PTGER4: variants seen among roughly 807,000 people sequenced by gnomAD.
The protein encoded by PTGER4 is prostaglandin E receptor 4.
A neutral mutation model predicts 33.2 loss-of-function variants in PTGER4; 11 were observed. The observed-to-expected ratio is 0.33, with a 90% CI of 0.21 to 0.55. The LOEUF is 0.55. Among genes scored for constraint, PTGER4 ranks in the 20% least tolerant of loss-of-function variants. The pLI is 0.92. For missense variants in PTGER4, 481 were observed against 650.2 expected, an observed-to-expected ratio of 0.74 and a Z score of 2.83; for synonymous variants, 275 against 281.5, an observed-to-expected ratio of 0.98 and a Z score of 0.23.
chr5:40,740,527 A>G, the PTGER4 span, among the ~76,000 whole-genome samples: 237 of 152,260 alleles, frequency 1.6e-3, no homozygotes, highest in African/African-American at 5.5e-3. Flanking sequence ...ATCCATGGCC[A>G]CATATGCAGC....
the PTGER4 span, among the ~76,000 whole-genome samples, chr5:40,720,304 AT>A: frequency 1.6e-3 from 239 of 152,274 alleles, 1 homozygote; most frequent in Middle Eastern, 0.02. Flanking sequence ...GCTGAAGACT[AT>A]TCCTTCCCCC....
At chr5:40,695,524 C>T (rs891616329), downstream of PTGER4, among the ~76,000 whole-genome samples, 4 of 151,336 alleles carry the variant, frequency 2.6e-5, no homozygotes, top group African/African-American at 7.3e-5. Context: ...CTAGCCTGGG[C>T]GACACAGCGA....
At position 40,692,174 on chromosome 5, in the gene PTGER4, G is replaced by C; in HGVS notation, c.1263G>C (p.Met421Ile). 4 of 1,614,210 alleles carry C rather than the reference G, an allele frequency of 2.5e-6. No homozygotes were observed. The highest frequency in any genetic ancestry group is 3.4e-6 in the Non-Finnish European group (4 of 1,180,032). ...GRNLLPGVPG[M>I]GLAQEDTTSL... Reference sequence around the variant, plus strand: ...ATTTGCTTCCAGGTGTGCCTGGCATGGGCCTGGCCCAGGAAGACACCACCT... The same window carrying C: ...ATTTGCTTCCAGGTGTGCCTGGCATCGGCCTGGCCCAGGAAGACACCACCT... The change falls in exon 3 of 3, where the codon ATG (methionine) becomes ATC (isoleucine). Residue 421 changes from methionine to isoleucine, a missense_variant. Met to Ile is a conservative substitution (Grantham distance 10). This residue lies in a region of PTGER4 where 172 missense variants were observed against 199.2 expected (regional missense o/e 0.86). Transcript: ENST00000302472.
the PTGER4 span, among the ~76,000 whole-genome samples, chr5:40,734,527 T>C: frequency 6.6e-6 from 1 of 152,198 alleles, no homozygotes; most frequent in Non-Finnish European, 1.5e-5. Context: ...GATGAGATAA[T>C]GCCCTATACT....
At chr5:40,719,330 GTTTC>G in the PTGER4 span, among the ~76,000 whole-genome samples, 27 of 152,198 alleles carry the variant, frequency 1.8e-4, no homozygotes, top group African/African-American at 5.3e-4. Flanking sequence ...TTTATGTCTG[GTTTC>G]TTTCACTTAA....
intron 2 of PTGER4, among the ~76,000 whole-genome samples, chr5:40,687,203 G>T (rs1240574225): frequency 6.6e-6 from 1 of 151,966 alleles, no homozygotes; most frequent in African/African-American, 2.4e-5. Flanking sequence ...GCACCACCAC[G>T]CCCGGCTAAT....
rs1372900638 is a variant in PTGER4 at position 40,680,355 on chromosome 5, A to G, written c.-167A>G. ...ACAGCCACTGAGACCGGCTTTGAGAAGCCGAAGATTTGGCAGTTTCCAGAC... is the reference window on the plus strand; with the variant it reads ...ACAGCCACTGAGACCGGCTTTGAGAGGCCGAAGATTTGGCAGTTTCCAGAC... On this transcript the variant is annotated 5_prime_UTR_variant, in exon 1 of 3. Coordinates refer to ENST00000302472, the MANE Select transcript of PTGER4 (RefSeq NM_000958.3). The surrounding 1 kb of genome is among the most constrained non-coding windows in gnomAD (Gnocchi z 5.5). 5 of 152,572 alleles carry G rather than the reference A, an allele frequency of 3.3e-5. No individual in the cohort carries two copies. The highest frequency in any genetic ancestry group is 3.3e-4 in the Admixed American group (5 of 15,280). The allele number at this position is 152,572 out of a possible 1,614,324, so 9.5% of individuals were successfully genotyped here. A position where few individuals can be genotyped will look rare whatever the true frequency, so the allele number is the denominator to read the frequency against.
the PTGER4 span, among the ~76,000 whole-genome samples, chr5:40,705,777 A>C: frequency 6.6e-6 from 1 of 152,218 alleles, no homozygotes; most frequent in Admixed American, 6.5e-5. Flanking sequence ...ATGAGATACC[A>C]TCTCACACTA....
At chr5:40,740,557 C>T in the PTGER4 span, among the ~76,000 whole-genome samples, 1 of 152,146 alleles carries the variant, frequency 6.6e-6, no homozygotes, top group Non-Finnish European at 1.5e-5. Flanking sequence ...TATCTCATGG[C>T]TTTTCTCCAC....
At chr5:40,688,117 T>C (rs1249820586) in intron 2 of PTGER4, among the ~76,000 whole-genome samples, 3 of 152,242 alleles carry the variant, frequency 2.0e-5, no homozygotes, top group African/African-American at 7.2e-5. Context: ...CCATTTTAAC[T>C]ATTCAAAAAT....
Position 40,680,880 on chromosome 5 carries a change from G to T in PTGER4, c.-43-71G>T. 1 of 1,314,412 alleles carries T rather than the reference G, an allele frequency of 7.6e-7. No homozygotes were observed. The highest frequency in any genetic ancestry group is 1.0e-6 in the Non-Finnish European group (1 of 960,656). The allele number at this position is 1,314,412 out of a possible 1,614,324, so 81.4% of individuals were successfully genotyped here. On this transcript the variant is annotated intron_variant, in intron 1 of 2. Coordinates refer to ENST00000302472, the MANE Select transcript of PTGER4 (RefSeq NM_000958.3). The surrounding 1 kb of genome is among the most constrained non-coding windows in gnomAD (Gnocchi z 5.5). The stretch of plus-strand genomic sequence containing the variant: ...GTCTTATCAGTGTATCGTTTCTCGG[G>T]CGCGGGTCTAACACCTTACAAGTGG...
At position 40,680,913 on chromosome 5, in the gene PTGER4, C is replaced by T. The variant is rs1365004658; in HGVS notation, c.-43-38C>T. 3.3e-6 allele frequency: 5 copies of T among 1,511,376 alleles called. No individual in the cohort carries two copies. Among genetic ancestry groups the T allele is most frequent in the Non-Finnish European group, 4.4e-6 (5 of 1,126,374 alleles). 93.6% of individuals were successfully genotyped at this position (1,511,376 alleles called of 1,614,324 possible). ...CTAACACCTTACAAGTGGTAATTTC[C>T]GCTCACGGCAGCTTTGTCTCTCTTC... On this transcript the variant is annotated intron_variant, in intron 1 of 2. Transcript: ENST00000302472. This position sits in a 1 kb window ranked among gnomAD's most constrained non-coding sequence, Gnocchi z 5.5.
At position 40,683,365 on chromosome 5, in the gene PTGER4, C is replaced by A. The variant is rs1222388662; in HGVS notation, c.867+1505C>A. ...AGGCCATAAGAGCCTTTAAGCCATT[C>A]CAGGACCCAATATAATTTACAGAGT... On this transcript the variant is annotated intron_variant, in intron 2 of 2. Coordinates refer to ENST00000302472, the MANE Select transcript of PTGER4 (RefSeq NM_000958.3). The surrounding 1 kb of genome is among the most constrained non-coding windows in gnomAD (Gnocchi z 4.2). Among the ~76,000 whole-genome samples the A allele has an allele frequency of 6.6e-6, 1 of 152,160 alleles. No individual in the cohort carries two copies. Among genetic ancestry groups the A allele is most frequent in the Non-Finnish European group, 1.5e-5 (1 of 68,020 alleles).
At chr5:40,722,134 G>A in the PTGER4 span, among the ~76,000 whole-genome samples, 1 of 151,564 alleles carries the variant, frequency 6.6e-6, no homozygotes, top group African/African-American at 2.4e-5. Context: ...AAACCCGGGA[G>A]GCGGAGGTTG....
downstream of PTGER4, among the ~76,000 whole-genome samples, chr5:40,697,010 GAGAA>G (rs1276729397): frequency 1.3e-4 from 18 of 136,060 alleles, no homozygotes; most frequent in East Asian, 4.1e-4. Context: ...GAAAGAAAGA[GAGAA>G]AGAAAGAGAA....
chr5:40,681,752 CT>C lies in PTGER4; in HGVS notation c.762del (p.Arg255GlyfsTer66). On this transcript the variant is annotated frameshift_variant, in exon 2 of 3. Transcript: ENST00000302472. LOFTEE classifies it high-confidence loss of function. The surrounding 1 kb of genome is among the most constrained non-coding windows in gnomAD (Gnocchi z 9.8). Reference sequence around the variant, plus strand: ...CCCCAGCCTTGCCGCGCCTCAGCGACTTTCGGCGCCGCCGGAGCTTCCGCCG... The same window carrying C: ...CCCCAGCCTTGCCGCGCCTCAGCGACTTCGGCGCCGCCGGAGCTTCCGCCG... Reference protein sequence around the residue: ...ASPALPRLSDFRRRRSFRRIA... With the variant: ...ASPALPRLSDXRRRRSFRRIA... 6.3e-7 allele frequency: 1 copy of C among 1,595,800 alleles called. No homozygotes were observed. Among genetic ancestry groups the C allele is most frequent in the African/African-American group, 1.4e-5 (1 of 72,824 alleles).
At chr5:40,700,002 G>A in the PTGER4 span, among the ~76,000 whole-genome samples, 1 of 152,074 alleles carries the variant, frequency 6.6e-6, no homozygotes, top group Admixed American at 6.6e-5. Context: ...TGGAAAGGAA[G>A]AAAGAAAACT....
At position 40,693,368 on chromosome 5, in the gene PTGER4, T is replaced by C. The variant is rs1741518917; in HGVS notation, c.*990T>C. 1.0e-6 allele frequency: 1 copy of C among 983,962 alleles called. No individual in the cohort carries two copies. Among genetic ancestry groups the C allele is most frequent in the African/African-American group, 1.7e-5 (1 of 57,200 alleles). The allele number at this position is 983,962 out of a possible 1,614,324, so 61.0% of individuals were successfully genotyped here. On this transcript the variant is annotated 3_prime_UTR_variant, in exon 3 of 3. Transcript: ENST00000302472. ...TGTTTCTCTGAAAGTGTGTGTAGTT[T>C]TACTTTCCTAAGGAATTACCAAGAA...
rs1741512212 is a variant in PTGER4 at position 40,693,019 on chromosome 5, T to C, written c.*641T>C. 1.1e-6 allele frequency: 1 copy of C among 899,356 alleles called. No individual in the cohort carries two copies. The highest frequency in any genetic ancestry group is 1.3e-6 in the Non-Finnish European group (1 of 751,582). 55.7% of individuals were successfully genotyped at this position (899,356 alleles called of 1,614,324 possible). On this transcript the variant is annotated 3_prime_UTR_variant, in exon 3 of 3. Transcript: ENST00000302472. Reference sequence around the variant, plus strand: ...GTAAGATTGATATCTATAAAATAGATATAAATTTTTAAGAGAAAGAATTTA... The same window carrying C: ...GTAAGATTGATATCTATAAAATAGACATAAATTTTTAAGAGAAAGAATTTA...
Sources: gnomAD v4.1 joint callset for allele counts (sites outside exome capture counted in the v4.1 genomes callset) on GRCh38, gnomAD v4.1.1 for gene constraint, gnomAD v4.1.1 regional missense constraint, Gnocchi (gnomAD v3.1) non-coding constraint, MANE v1.5 for transcripts, NCBI Gene and HGNC (gene_info 2026-07-23, HGNC 2026-07-21) for gene names.